The following RABGAP1L variants were observed in gnomAD, a reference collection of about 807,000 sequenced individuals.
RABGAP1L encodes RAB GTPase activating protein 1 like, also known as rab GTPase-activating protein 1-like.
RABGAP1L carries 63 observed loss-of-function variants against 137.7 expected under a neutral mutation model. That is an observed-to-expected ratio of 0.46 (90% CI 0.37 to 0.56). The LOEUF (loss-of-function observed/expected upper bound fraction) is 0.56. Among genes scored for constraint, RABGAP1L ranks in the 20% least tolerant of loss-of-function variants. RABGAP1L has a pLI of 0.00. For missense variants in RABGAP1L, 1,095 were observed against 1,244.0 expected, an observed-to-expected ratio of 0.88 and a Z score of 1.80; for synonymous variants, 431 against 433.7, an observed-to-expected ratio of 0.99 and a Z score of 0.08.
chr1:174,813,291 A>G (rs1021220348), intron 19 of RABGAP1L, among the ~76,000 whole-genome samples: 7 of 152,160 alleles, frequency 4.6e-5, no homozygotes, highest in African/African-American at 1.7e-4. Context: ...GAACCTGAGT[A>G]TTTTTGAAAG....
chr1:174,160,385 G>A (rs1317549954), intron 1 of RABGAP1L, among the ~76,000 whole-genome samples: 16 of 152,214 alleles, frequency 1.1e-4, no homozygotes, highest in Admixed American at 9.2e-4. Context: ...TGGGCAGTGC[G>A]TCAGCATGTG....
chr1:174,925,793 TATA>T (rs1426639517), intron 19 of RABGAP1L, among the ~76,000 whole-genome samples: 1 of 149,742 alleles, frequency 6.7e-6, no homozygotes, highest in African/African-American at 2.4e-5. Context: ...ATTAAAAAAA[TATA>T]ATGTGAGATA....
chr1:174,564,660 G>GT, intron 13 of RABGAP1L, among the ~76,000 whole-genome samples: 1 of 152,156 alleles, frequency 6.6e-6, no homozygotes, highest in South Asian at 2.1e-4. Context: ...AGAGTAGATA[G>GT]ATGTAATTCA....
intron 1 of RABGAP1L, among the ~76,000 whole-genome samples, chr1:174,181,198 G>T (rs1248307331): frequency 6.6e-6 from 1 of 152,018 alleles, no homozygotes; most frequent in African/African-American, 2.4e-5. Context: ...AAGAGATGAG[G>T]TCTTGCTGTA....
At chr1:174,370,507 C>A (rs1571455564) in intron 11 of RABGAP1L, among the ~76,000 whole-genome samples, 4 of 56,500 alleles carry the variant, frequency 7.1e-5, no homozygotes, top group Admixed American at 2.0e-4. Flanking sequence ...TCTTAAGAAA[C>A]CTAACTTTTT....
intron 18 of RABGAP1L, chr1:174,800,074 C>G (rs1342808855): frequency 7.8e-7 from 1 of 1,283,868 alleles, no homozygotes; most frequent in Non-Finnish European, 9.9e-7. Context: ...GCCATTTTCT[C>G]GCATTCGATT....
intron 17 of RABGAP1L, among the ~76,000 whole-genome samples, chr1:174,715,953 C>T (rs1273506908): frequency 1.3e-5 from 2 of 152,220 alleles, no homozygotes; most frequent in Admixed American, 6.5e-5. Context: ...CCCCTCATCC[C>T]CCACAGATAC....
chr1:174,615,424 G>C lies in RABGAP1L; in HGVS notation c.1711-21951G>C, dbSNP rs182552537. Among the ~76,000 whole-genome samples the C allele has an allele frequency of 3.6e-3, 545 of 152,274 alleles. 5 individuals are homozygous for C. The highest frequency in any genetic ancestry group is 0.011 in the African/African-American group (467 of 41,538). On this transcript the variant is annotated intron_variant, in intron 13 of 25. Coordinates refer to ENST00000681986, the MANE Select transcript of RABGAP1L (RefSeq NM_001366446.1). ...GAACCACAAATGCTGCTGTCTGATC[G>C]TTACTCTGGAAGTTTTGTCTCAGAG...
At chr1:174,464,537 C>T (rs777941880) in intron 13 of RABGAP1L, among the ~76,000 whole-genome samples, 1 of 152,058 alleles carries the variant, frequency 6.6e-6, no homozygotes, top group Non-Finnish European at 1.5e-5. Context: ...TTTCTTATTC[C>T]TTACACTGCT....
chr1:174,312,911 G>A (rs537255403), intron 11 of RABGAP1L, among the ~76,000 whole-genome samples: 4 of 152,132 alleles, frequency 2.6e-5, no homozygotes, highest in South Asian at 2.1e-4. Flanking sequence ...CACTGTAGAC[G>A]TATGGATTTA....
chr1:174,785,200 G>T (rs1247189971), intron 18 of RABGAP1L, among the ~76,000 whole-genome samples: 1 of 152,176 alleles, frequency 6.6e-6, no homozygotes, highest in Non-Finnish European at 1.5e-5. Flanking sequence ...GAGTAGCTGG[G>T]ATTACAGGCA....
At chr1:174,701,621 T>C (rs1369108594) in intron 16 of RABGAP1L, among the ~76,000 whole-genome samples, 4 of 151,668 alleles carry the variant, frequency 2.6e-5, no homozygotes, top group African/African-American at 4.8e-5. Flanking sequence ...AGGGTGCCTA[T>C]AATCTCAGCT....
At chr1:174,466,587 G>T (rs968860781) in intron 13 of RABGAP1L, among the ~76,000 whole-genome samples, 4 of 152,196 alleles carry the variant, frequency 2.6e-5, no homozygotes, top group African/African-American at 9.6e-5. Flanking sequence ...AGGAGTTTGA[G>T]ACCAGCCTGG....
chr1:174,875,118 CATTT>C (rs112099065), intron 19 of RABGAP1L, among the ~76,000 whole-genome samples: 13 of 152,320 alleles, frequency 8.5e-5, no homozygotes, highest in Non-Finnish European at 1.3e-4. Flanking sequence ...CTTTTTAAAA[CATTT>C]ATCTAAGAAC....
At chr1:174,988,587 G>C (rs1451340631) in intron 24 of RABGAP1L, 54 bp from the exon 25 acceptor site, 1 of 1,351,940 alleles carries the variant, frequency 7.4e-7, no homozygotes, top group Non-Finnish European at 9.7e-7. Context: ...GTTTCAGAAG[G>C]TGATTTAGCC....
At chr1:174,287,108 A>G (rs566755237) in intron 10 of RABGAP1L, among the ~76,000 whole-genome samples, 2 of 152,200 alleles carry the variant, frequency 1.3e-5, no homozygotes, top group South Asian at 4.2e-4. Context: ...TGCATGATCT[A>G]TCTACTGTCA....
intron 12 of RABGAP1L, among the ~76,000 whole-genome samples, chr1:174,373,243 T>C (rs1685251724): frequency 6.6e-6 from 1 of 152,174 alleles, no homozygotes; most frequent in South Asian, 2.1e-4. Flanking sequence ...TAGAGGCAGA[T>C]GACTTTTTCA....
chr1:174,526,864 A>G (rs535894014), intron 13 of RABGAP1L, among the ~76,000 whole-genome samples: 4 of 151,632 alleles, frequency 2.6e-5, no homozygotes, highest in South Asian at 2.1e-4. Flanking sequence ...CTTTCTACCA[A>G]TTTGTGGTTT....
At chr1:174,425,173 A>C (rs1651809042) in intron 13 of RABGAP1L, among the ~76,000 whole-genome samples, 1 of 152,084 alleles carries the variant, frequency 6.6e-6, no homozygotes, top group Non-Finnish European at 1.5e-5. Context: ...ACCAATAGAT[A>C]GTGTAGGATG....
Sources: gnomAD v4.1 joint callset for allele counts (sites outside exome capture counted in the v4.1 genomes callset) on GRCh38, gnomAD v4.1.1 for gene constraint, MANE v1.5 for transcripts, NCBI Gene and HGNC (gene_info 2026-07-23, HGNC 2026-07-21) for gene names.